The following RFPL2 variants were observed in gnomAD, a reference collection of about 807,000 sequenced individuals.
RFPL2 encodes ret finger protein like 2, also known as ret finger protein-like 2.
A neutral mutation model predicts 17.8 loss-of-function variants in RFPL2; 13 were observed. The observed-to-expected ratio is 0.73, with a 90% CI of 0.47 to 1.16. The LOEUF (loss-of-function observed/expected upper bound fraction) is 1.16, where lower values mean the gene tolerates loss of function less well. Among genes scored for constraint, RFPL2 ranks in the 50% most tolerant of loss-of-function variants. The probability of loss-of-function intolerance (pLI) is 0.00; values close to 1 mark genes in which losing one functional copy is unlikely to be tolerated. For synonymous variants in RFPL2, 189 were observed against 180.9 expected (o/e 1.04, Z -0.36); for missense variants, 431 against 479.3 (o/e 0.90, Z 0.94).
intron 2 of RFPL2, among the ~76,000 whole-genome samples, chr22:32,200,816 G>A (rs1923839867): frequency 6.6e-6 from 1 of 152,020 alleles, no homozygotes; most frequent in South Asian, 2.1e-4. Context: ...TGAAAGCCGG[G>A]CTGTCCAGGA....
At chr22:32,195,719 A>G (rs1264663391) in intron 2 of RFPL2, among the ~76,000 whole-genome samples, 1 of 152,012 alleles carries the variant, frequency 6.6e-6, no homozygotes, top group Non-Finnish European at 1.5e-5. Flanking sequence ...TGGCCTCCCA[A>G]AATGCTGGGA....
At chr22:32,194,583 A>G in intron 2 of RFPL2, 93 bp from the exon 3 acceptor site, 2 of 1,322,840 alleles carry the variant, frequency 1.5e-6, no homozygotes, top group Non-Finnish European at 2.1e-6. Context: ...CTGACAGTGT[A>G]TTTTTCTTTC....
rs1157630744 is a variant in RFPL2, at chr22:32,204,724, G to C, written c.-117C>G. Among the ~76,000 whole-genome samples, 1 of 152,236 alleles carries C rather than the reference G, an allele frequency of 6.6e-6. No homozygotes were observed. Among genetic ancestry groups the C allele is most frequent in the Non-Finnish European group, 1.5e-5 (1 of 68,038 alleles). ...CCTCTAACCTGGGCATGGAGCAGAT[G>C]GGCTGGCAGACGCAGAAGTGCCTGG... On this transcript the variant is annotated 5_prime_UTR_variant, in exon 1 of 5. Coordinates refer to ENST00000652607, the MANE Select transcript of RFPL2 (RefSeq NM_001394555.1).
At chr22:32,203,806 A>G (rs1924232398) in intron 1 of RFPL2, among the ~76,000 whole-genome samples, 1 of 151,092 alleles carries the variant, frequency 6.6e-6, no homozygotes, top group Non-Finnish European at 1.5e-5. Flanking sequence ...GCCCTCAACA[A>G]GCCCCTCCAC....
At chr22:32,193,575 T>C in intron 3 of RFPL2, 1 of 1,122,528 alleles carries the variant, frequency 8.9e-7, no homozygotes, top group Non-Finnish European at 1.1e-6. Context: ...AATTAGGGGC[T>C]GGGAGGCCGG....
intron 3 of RFPL2, 42 bp downstream of exon 3, chr22:32,194,303 A>T: frequency 6.3e-7 from 1 of 1,585,090 alleles, no homozygotes; most frequent in Non-Finnish European, 8.5e-7. Context: ...CCCCATTTCT[A>T]GGCATCTAAG....
rs778808289 is a variant in RFPL2, at chr22:32,191,014, C to T, written c.895G>A (p.Val299Ile). The change falls in exon 5 of 5, where the codon GTA becomes ATA. Residue 299 changes from valine to isoleucine, a missense_variant. Transcript: ENST00000652607. The stretch of plus-strand genomic sequence containing the variant: ...CCCACTCGCTGTAACTTGCGGTCTA[C>T]GAAGAGGAAAGTCAGCGGCACCGTG... ...ATTVPLTFLF[V>I]DRKLQRVGIF... The T allele has an allele frequency of 1.9e-5, 30 of 1,613,620 alleles. No individual in the cohort carries two copies. The highest frequency in any genetic ancestry group is 2.7e-5 in the African/African-American group (2 of 74,870).
chr22:32,203,153 C>G, intron 1 of RFPL2: 1 of 923,572 alleles, frequency 1.1e-6, no homozygotes, highest in Non-Finnish European at 1.3e-6. Flanking sequence ...GTGCCTAGTA[C>G]ATGCAGCACC....
intron 2 of RFPL2, among the ~76,000 whole-genome samples, chr22:32,195,692 A>T (rs1349765408): frequency 6.6e-6 from 1 of 151,672 alleles, no homozygotes; most frequent in Non-Finnish European, 1.5e-5. Flanking sequence ...TCCTGACTTC[A>T]GGTAACCCGC....
rs1254646790 is a variant in RFPL2 at position 32,191,458 on chromosome 22, C to G, written c.557-106G>C. On this transcript the variant is annotated intron_variant, in intron 4 of 4. Transcript: ENST00000652607. ...TCTCTTGACTTTAGTTTCTTTAATTCTCTTCTTCCCCCAAAATCCAAACTT... is the reference window on the plus strand; with the variant it reads ...TCTCTTGACTTTAGTTTCTTTAATTGTCTTCTTCCCCCAAAATCCAAACTT... 3.6e-6 allele frequency: 5 copies of G among 1,388,810 alleles called. No individual in the cohort carries two copies. In the Admixed American group the frequency reaches 1.3e-4, roughly 35 times the overall value. 86.0% of individuals were successfully genotyped at this position (1,388,810 alleles called of 1,614,324 possible).
intron 1 of RFPL2, chr22:32,203,124 T>A: frequency 1.0e-6 from 1 of 981,294 alleles, no homozygotes; most frequent in Non-Finnish European, 1.2e-6. Context: ...CAGTCCCAGA[T>A]GGCGCCCCTA....
At chr22:32,193,747 C>T (rs1372693987) in intron 3 of RFPL2, among the ~76,000 whole-genome samples, 1 of 151,730 alleles carries the variant, frequency 6.6e-6, no homozygotes, top group African/African-American at 2.4e-5. Flanking sequence ...CCTGTAATCC[C>T]AGATACTTGG....
intron 2 of RFPL2, among the ~76,000 whole-genome samples, chr22:32,198,025 G>T (rs1923529396): frequency 6.6e-6 from 1 of 152,126 alleles, no homozygotes; most frequent in Non-Finnish European, 1.5e-5. Context: ...CACCAGGGAG[G>T]ATGGAAGGGA....
At chr22:32,193,862 CAAAAAAAAAA>C (rs136481) in intron 3 of RFPL2, among the ~76,000 whole-genome samples, 1 of 71,954 alleles carries the variant, frequency 1.4e-5, no homozygotes, top group Non-Finnish European at 2.6e-5. Context: ...GACACCATCT[CAAAAAAAAAA>C]AAAAAAAAAA....
At chr22:32,193,573 G>C (rs2149526278) in intron 3 of RFPL2, 31 of 1,141,394 alleles carry the variant, frequency 2.7e-5, no homozygotes, top group Non-Finnish European at 3.5e-5. Flanking sequence ...AGAATTAGGG[G>C]CTGGGAGGCC....
At chr22:32,197,678 T>C (rs559015154) in intron 2 of RFPL2, among the ~76,000 whole-genome samples, 1 of 152,274 alleles carries the variant, frequency 6.6e-6, no homozygotes, top group Non-Finnish European at 1.5e-5. Context: ...TGTCCTTGCG[T>C]TGGTTTGCTC....
intron 2 of RFPL2, among the ~76,000 whole-genome samples, chr22:32,199,519 C>T (rs1190836706): frequency 2.6e-5 from 4 of 152,168 alleles, no homozygotes; most frequent in African/African-American, 9.7e-5. Flanking sequence ...GAGACTCACT[C>T]TCTCCCAACC....
intron 2 of RFPL2, among the ~76,000 whole-genome samples, chr22:32,196,672 G>A (rs1414559823): frequency 1.3e-5 from 2 of 152,162 alleles, no homozygotes; most frequent in Non-Finnish European, 2.9e-5. Context: ...GTGTGAGAAT[G>A]ACTTATGAAA....
chr22:32,202,036 G>C (rs985155457), intron 2 of RFPL2, among the ~76,000 whole-genome samples: 2 of 152,196 alleles, frequency 1.3e-5, no homozygotes, highest in Non-Finnish European at 2.9e-5. Context: ...GCAGGGCCGG[G>C]CTCCTTCCGG....
Sources: gnomAD v4.1 joint callset for allele counts (sites outside exome capture counted in the v4.1 genomes callset) on GRCh38, gnomAD v4.1.1 for gene constraint, MANE v1.5 for transcripts, NCBI Gene and HGNC (gene_info 2026-07-23, HGNC 2026-07-21) for gene names.